Variants in GRIK2 observed in about 807,000 individuals in gnomAD.
The protein encoded by GRIK2 is glutamate ionotropic receptor kainate type subunit 2, also known as glutamate receptor ionotropic, kainate 2.
In GRIK2, 32 loss-of-function variants were observed where a neutral mutation model predicts 100.3. The ratio of observed to expected loss-of-function variants is 0.32; its 90% confidence interval spans 0.24 to 0.43. The LOEUF (loss-of-function observed/expected upper bound fraction) is 0.43. GRIK2 is among the 20% of genes least tolerant of loss of function. GRIK2 has a pLI of 1.00. For synonymous variants in GRIK2, 417 were observed against 389.4 expected, an observed-to-expected ratio of 1.07 and a Z score of -0.83; for missense variants, 843 against 1,114.9, an observed-to-expected ratio of 0.76 and a Z score of 3.47.
At chr6:101,642,544 G>C (rs6940676) in intron 4 of GRIK2, among the ~76,000 whole-genome samples, 48,878 of 151,344 alleles carry the variant, frequency 0.32, 8,229 homozygotes, top group African/African-American at 0.42. Context: ...AAGGTTCATC[G>C]ATGTTGCTGT....
In GRIK2 at chr6:101,626,475, G is replaced by A; in HGVS notation, c.379G>A (p.Val127Ile). 6.2e-7 allele frequency: 1 copy of A among 1,613,934 alleles called. No individual in the cohort carries two copies. The highest frequency in any genetic ancestry group is 1.1e-5 in the South Asian group (1 of 91,070). ...GCAGTCCATCTGCAATGCTCTGGGA[G>A]TTCCCCACATACAGACCCGCTGGAA... The part of the protein sequence containing the change: ...AVQSICNALG[V>I]PHIQTRWKHQ... The change falls in exon 4 of 17, where the codon GTT (valine) becomes ATT (isoleucine). Residue 127 changes from valine to isoleucine, a missense_variant. Physicochemically the swap from Val to Ile is conservative, Grantham distance 29. Around this residue, in one of 3 missense-constraint regions of GRIK2, gnomAD observed 519 missense variants for 643.8 expected, o/e 0.81. Coordinates refer to ENST00000369134, the MANE Select transcript of GRIK2 (RefSeq NM_021956.5).
chr6:102,038,531 C>T (rs975687280), intron 15 of GRIK2, among the ~76,000 whole-genome samples: 1 of 151,306 alleles, frequency 6.6e-6, no homozygotes, highest in Non-Finnish European at 1.5e-5. Flanking sequence ...ATCTGCATTT[C>T]TCAACTGGGA....
At chr6:101,662,179 A>C (rs1355886862) in intron 4 of GRIK2, among the ~76,000 whole-genome samples, 1 of 152,224 alleles carries the variant, frequency 6.6e-6, no homozygotes, top group East Asian at 1.9e-4. Flanking sequence ...ATTGTGATGA[A>C]GAAAGATTAG....
At chr6:101,586,845 C>G (rs1450359529) in intron 2 of GRIK2, among the ~76,000 whole-genome samples, 1 of 144,230 alleles carries the variant, frequency 6.9e-6, no homozygotes, top group Admixed American at 7.1e-5. Context: ...AGCCGAGATC[C>G]TGCTACTGCA....
intron 14 of GRIK2, among the ~76,000 whole-genome samples, chr6:101,957,071 A>T (rs1294350720): frequency 6.6e-6 from 1 of 151,904 alleles, no homozygotes; most frequent in East Asian, 1.9e-4. Context: ...TAACCTCTAT[A>T]CTGTTTTCCA....
chr6:101,829,545 G>A (rs934207944), intron 10 of GRIK2, among the ~76,000 whole-genome samples: 1 of 151,658 alleles, frequency 6.6e-6, no homozygotes, highest in Non-Finnish European at 1.5e-5. Context: ...CTTCAGCAAA[G>A]TCTCAGAATA....
intron 2 of GRIK2, among the ~76,000 whole-genome samples, chr6:101,603,250 C>T (rs531114903): frequency 2.0e-5 from 3 of 151,756 alleles, no homozygotes; most frequent in African/African-American, 7.2e-5. Context: ...CTTATGTTGA[C>T]ATCAAGCCAA....
intron 12 of GRIK2, among the ~76,000 whole-genome samples, chr6:101,906,046 G>C (rs1158020759): frequency 6.6e-6 from 1 of 151,480 alleles, no homozygotes; most frequent in Admixed American, 6.6e-5. Context: ...AGTGCGTTTA[G>C]ATATTTTATT....
intron 2 of GRIK2, among the ~76,000 whole-genome samples, chr6:101,611,780 A>T (rs777957737): frequency 2.6e-5 from 4 of 151,774 alleles, no homozygotes; most frequent in Non-Finnish European, 5.9e-5. Context: ...ACCTTTTGGG[A>T]AGCTGTCACC....
intron 2 of GRIK2, among the ~76,000 whole-genome samples, chr6:101,581,634 G>GT (rs1309033289): frequency 6.6e-6 from 1 of 152,078 alleles, no homozygotes; most frequent in African/African-American, 2.4e-5. Flanking sequence ...CAACACTAGT[G>GT]TAAGTGCTGC....
chr6:101,565,401 C>T (rs1307140461), intron 2 of GRIK2, among the ~76,000 whole-genome samples: 1 of 152,012 alleles, frequency 6.6e-6, no homozygotes, highest in Non-Finnish European at 1.5e-5. Context: ...TTTAAATTCT[C>T]TAATTTTTCT....
chr6:101,814,558 G>T (rs1781519995), intron 9 of GRIK2, among the ~76,000 whole-genome samples: 1 of 152,042 alleles, frequency 6.6e-6, no homozygotes, highest in Non-Finnish European at 1.5e-5. Context: ...TTGTTATACA[G>T]TTGTCTTATG....
At chr6:101,921,715 G>T (rs369406935) in intron 12 of GRIK2, among the ~76,000 whole-genome samples, 22 of 152,174 alleles carry the variant, frequency 1.4e-4, no homozygotes, top group East Asian at 5.8e-4. Flanking sequence ...GATATTGCTT[G>T]AAAGTGGGAA....
At chr6:102,059,781 A>G (rs1355029937) in intron 16 of GRIK2, among the ~76,000 whole-genome samples, 1 of 150,848 alleles carries the variant, frequency 6.6e-6, no homozygotes, top group African/African-American at 2.4e-5. Flanking sequence ...CAGCAAGAAC[A>G]GCAACATAAC....
At chr6:101,981,504 A>G in intron 14 of GRIK2, among the ~76,000 whole-genome samples, 1 of 151,962 alleles carries the variant, frequency 6.6e-6, no homozygotes, top group East Asian at 1.9e-4. Flanking sequence ...AGTCAAGTTA[A>G]AGAGATAAAT....
intron 7 of GRIK2, among the ~76,000 whole-genome samples, chr6:101,716,202 T>C (rs1331290530): frequency 1.3e-5 from 2 of 151,760 alleles, no homozygotes. Flanking sequence ...CTGAATGGTG[T>C]TTAATTAATA....
Position 101,515,567 on chromosome 6 carries a change from C to T in GRIK2, c.116-106382C>T, listed in dbSNP as rs181701023. Among the ~76,000 whole-genome samples the T allele has an allele frequency of 6.7e-4, 102 of 152,172 alleles. 1 individual carries two copies. The highest frequency in any genetic ancestry group is 3.4e-3 in the Middle Eastern group (1 of 294). ...AAGTGTTCCCTGTTTACCACATCCA[C>T]GCCAACATGTACTGTTTATTGATTT... On this transcript the variant is annotated intron_variant, in intron 2 of 16. Transcript: ENST00000369134.
chr6:101,528,483 T>G (rs1562203167), intron 2 of GRIK2, among the ~76,000 whole-genome samples: 1 of 152,192 alleles, frequency 6.6e-6, no homozygotes. Context: ...GTTCAGACTT[T>G]TTAGGTTTTC....
At chr6:101,463,226 C>T (rs566855671) in intron 2 of GRIK2, among the ~76,000 whole-genome samples, 2 of 152,088 alleles carry the variant, frequency 1.3e-5, no homozygotes, top group African/African-American at 2.4e-5. Context: ...CCATAGTCTG[C>T]AAGACACACA....
Sources: allele counts gnomAD v4.1 joint callset (sites outside exome capture counted in the v4.1 genomes callset), GRCh38; gene constraint gnomAD v4.1.1; regional missense constraint gnomAD v4.1.1; transcripts MANE v1.5; gene names NCBI Gene and HGNC (gene_info 2026-07-23, HGNC 2026-07-21).